NEMF: variants seen among roughly 807,000 people sequenced by gnomAD.
NEMF encodes ribosome quality control complex subunit NEMF.
In NEMF, 89 loss-of-function variants were observed where a neutral mutation model predicts 162.2. That is an observed-to-expected ratio of 0.55 (90% CI 0.46 to 0.65). The LOEUF (loss-of-function observed/expected upper bound fraction) is 0.65, where lower values mean the gene tolerates loss of function less well. Among genes scored for constraint, NEMF ranks in the 30% least tolerant of loss-of-function variants. NEMF has a pLI of 0.00. For missense variants in NEMF, 1,133 were observed against 1,261.9 expected (o/e 0.90, Z 1.55); for synonymous variants, 421 against 404.5 (o/e 1.04, Z -0.49).
At chr14:49,835,124 C>T (rs562858498) in intron 6 of NEMF, among the ~76,000 whole-genome samples, 2 of 150,750 alleles carry the variant, frequency 1.3e-5, no homozygotes, top group East Asian at 2.0e-4. Context: ...CACTTGAACC[C>T]GGGAGGCGGA....
intron 26 of NEMF, 30 bp downstream of exon 26, chr14:49,795,761 G>C (rs748648927): frequency 1.3e-6 from 2 of 1,575,272 alleles, no homozygotes; most frequent in Non-Finnish European, 1.7e-6. Flanking sequence ...CAAATTAACT[G>C]TGAACCATAT....
chr14:49,799,790 T>G lies in NEMF; in HGVS notation c.2373-112A>C. ...TAAGTACTGGCAATCCAACAAATTT[T>G]CAAATTTGGTGAAGTGAGAAAAACA... On this transcript the variant is annotated intron_variant, in intron 23 of 32. Coordinates refer to ENST00000298310, the MANE Select transcript of NEMF (RefSeq NM_004713.6). The G allele has an allele frequency of 3.4e-6, 3 of 876,936 alleles. No homozygotes were observed. In the South Asian group the frequency reaches 5.1e-5, roughly 15 times the overall value. 54.3% of individuals were successfully genotyped at this position (876,936 alleles called of 1,614,324 possible).
chr14:49,846,342 T>G, intron 3 of NEMF, 77 bp from the exon 4 acceptor site: 1 of 1,302,936 alleles, frequency 7.7e-7, no homozygotes, highest in Non-Finnish European at 1.1e-6. Flanking sequence ...ATAAATAAGC[T>G]TCTTTTCATT....
intron 10 of NEMF, 76 bp from the exon 11 acceptor site, chr14:49,831,437 T>A: frequency 2.8e-6 from 2 of 722,242 alleles, no homozygotes; most frequent in East Asian, 5.7e-5. Context: ...AGAATTTTAT[T>A]TTTTTTTTCT....
In NEMF at chr14:49,806,009, A is replaced by G. The variant is rs1312147560; in HGVS notation, c.1857+12T>C. 3.8e-6 allele frequency: 6 copies of G among 1,566,394 alleles called. No homozygotes were observed. Among genetic ancestry groups the G allele is most frequent in the Non-Finnish European group, 4.4e-6 (5 of 1,140,546 alleles). On this transcript the variant is annotated intron_variant, in intron 19 of 32. Coordinates refer to ENST00000298310, the MANE Select transcript of NEMF (RefSeq NM_004713.6). The stretch of plus-strand genomic sequence containing the variant: ...TTAGTAAATTAAGAAAAAGGACAAG[A>G]GCCCTTATTACCTGATGATGGTACA...
chr14:49,852,428 A>C (rs138042131), intron 1 of NEMF, among the ~76,000 whole-genome samples: 235 of 152,346 alleles, frequency 1.5e-3, no homozygotes, highest in African/African-American at 5.3e-3. Flanking sequence ...CGGACAACCC[A>C]GGCCAACAAT....
intron 16 of NEMF, chr14:49,820,564 T>C (rs1891956537): frequency 2.2e-6 from 1 of 452,128 alleles, no homozygotes; most frequent in African/African-American, 2.0e-5. Flanking sequence ...AGGTCAGGAG[T>C]TCGAGACTAG....
At chr14:49,805,543 C>T (rs906895958) in intron 19 of NEMF, among the ~76,000 whole-genome samples, 1 of 151,394 alleles carries the variant, frequency 6.6e-6, no homozygotes, top group African/African-American at 2.4e-5. Flanking sequence ...ACATCATTAA[C>T]CACAAAGAAG....
At chr14:49,794,943 C>T (rs1227722759) in intron 26 of NEMF, among the ~76,000 whole-genome samples, 1 of 151,884 alleles carries the variant, frequency 6.6e-6, no homozygotes, top group Non-Finnish European at 1.5e-5. Flanking sequence ...GTCTTGAACT[C>T]CTGGCCTCAA....
intron 8 of NEMF, among the ~76,000 whole-genome samples, chr14:49,833,105 A>G (rs1484478116): frequency 3.3e-5 from 5 of 152,132 alleles, no homozygotes; most frequent in African/African-American, 1.2e-4. Context: ...ATCTCTACTG[A>G]AAATATAAAA....
Position 49,840,821 on chromosome 14 carries a change from G to C in NEMF, c.403C>G (p.Leu135Val). ...TDYEYVILNI[L>V]RFRTDEADDV... ...TCTGCCTCATCAGTTCGAAACCTTA[G>C]AATATTTAAAATTACGTACTCATAA... Residue 135 changes from leucine to valine, a missense_variant, in exon 5 of 33, where the codon CTA (leucine) becomes GTA (valine). Leu to Val is a conservative substitution (Grantham distance 32). Transcript: ENST00000298310. 2 of 1,613,318 alleles carry C rather than the reference G, an allele frequency of 1.2e-6. No homozygotes were observed. Among genetic ancestry groups the C allele is most frequent in the Non-Finnish European group, 1.7e-6 (2 of 1,179,466 alleles).
At position 49,837,978 on chromosome 14, in the gene NEMF, A is replaced by T. The variant is rs187261544; in HGVS notation, c.574+161T>A. Among the ~76,000 whole-genome samples, 8 of 152,318 alleles carry T rather than the reference A, an allele frequency of 5.3e-5. No individual in the cohort carries two copies. In the East Asian group the frequency reaches 1.5e-3, roughly 29 times the overall value. Reference sequence around the variant, plus strand: ...AATAAAATCTAATAGATAAAGCTCAAACTTCATGTGGTTTAACTTCTCTTT... The same window carrying T: ...AATAAAATCTAATAGATAAAGCTCATACTTCATGTGGTTTAACTTCTCTTT... On this transcript the variant is annotated intron_variant, in intron 6 of 32. Coordinates refer to ENST00000298310, the MANE Select transcript of NEMF (RefSeq NM_004713.6).
chr14:49,851,739 G>A (rs546528327), intron 2 of NEMF, 68 bp downstream of exon 2: 34 of 1,472,838 alleles, frequency 2.3e-5, no homozygotes, highest in Non-Finnish European at 2.9e-5. Context: ...TTAAAATGTA[G>A]GTTAAAAAAA....
rs780519984 is a variant in NEMF at position 49,825,941 on chromosome 14, T to C, written c.1503A>G (p.Ala501=). The C allele has an allele frequency of 1.2e-4, 187 of 1,609,624 alleles. No homozygotes were observed. The highest frequency in any genetic ancestry group is 1.5e-4 in the Non-Finnish European group (181 of 1,176,750). Residue 501 remains alanine (A), a synonymous_variant, in exon 16 of 33, where the codon GCA becomes GCG. Coordinates refer to ENST00000298310, the MANE Select transcript of NEMF (RefSeq NM_004713.6). The part of the protein sequence containing the change: ...VEAAEKAFKS[A]EKKTKQTLKE... ...TTAATGTTTGCTTTGTTTTCTTTTC[T>C]GCTGACTTGAATGCCTATTTATAGA... is the stretch of plus-strand genomic sequence containing the variant.
intron 26 of NEMF, among the ~76,000 whole-genome samples, chr14:49,790,817 C>T (rs1485340095): frequency 1.3e-5 from 2 of 152,000 alleles, no homozygotes; most frequent in African/African-American, 2.4e-5. Context: ...TGGTGAAACA[C>T]CATCTCTACC....
chr14:49,800,531 T>A lies in NEMF; in HGVS notation c.2261A>T (p.Tyr754Phe). 6.2e-7 allele frequency: 1 copy of A among 1,614,084 alleles called. No individual in the cohort carries two copies. The highest frequency in any genetic ancestry group is 8.5e-7 in the Non-Finnish European group (1 of 1,179,964). ...QEESSEDEGE[Y>F]EEVRKDQDSV... ...ATCCTGATCTTTTCTAACCTCTTCATATTCTCCTTCGTCTTCAGAGCTTTC... is the reference window on the plus strand; with the variant it reads ...ATCCTGATCTTTTCTAACCTCTTCAAATTCTCCTTCGTCTTCAGAGCTTTC... The change falls in exon 23 of 33, where the codon TAT (tyrosine) becomes TTT (phenylalanine). Residue 754 changes from tyrosine (Y) to phenylalanine (F), a missense_variant. Transcript: ENST00000298310.
rs1891171784 is a variant in NEMF at position 49,806,025 on chromosome 14, T to C, written c.1853A>G (p.His618Arg). Residue 618 changes from histidine to arginine, a missense_variant, in exon 19 of 33, where the codon CAT becomes CGT. By Grantham distance (29) the His-to-Arg change is conservative. This residue lies in a region of NEMF where 532 missense variants were observed against 578.6 expected (regional missense o/e 0.92). Coordinates refer to ENST00000298310, the MANE Select transcript of NEMF (RefSeq NM_004713.6). ...AAGGACAAGAGCCCTTATTACCTGA[T>C]GATGGTACACCCACCAAGCACTAGT... ...VITSAWWVYH[H>R]QVSKTAPTGE... The C allele has an allele frequency of 1.2e-6, 2 of 1,605,124 alleles. No homozygotes were observed. The highest frequency in any genetic ancestry group is 1.7e-6 in the Non-Finnish European group (2 of 1,174,262).
chr14:49,802,473 G>A lies in NEMF; in HGVS notation c.2075C>T (p.Ser692Leu), dbSNP rs752476488. The A allele has an allele frequency of 6.2e-7, 1 of 1,613,350 alleles. No individual in the cohort carries two copies. Among genetic ancestry groups the A allele is most frequent in the Non-Finnish European group, 8.5e-7 (1 of 1,179,720 alleles). ...TLASCTSELI[S>L]EEMEQLDGGD... ...ACTACCTAATTGTTCCATTTCTTCT[G>A]ATATGAGTTCACTTGTACAACTTGC... Residue 692 changes from serine (S) to leucine (L), a missense_variant, in exon 22 of 33, where the codon TCA becomes TTA. Physicochemically the swap from Ser to Leu is moderately radical, Grantham distance 145. Transcript: ENST00000298310.
chr14:49,813,677 GTGTGT>G (rs1891587334), intron 18 of NEMF, among the ~76,000 whole-genome samples: 1 of 151,814 alleles, frequency 6.6e-6, no homozygotes, highest in Non-Finnish European at 1.5e-5. Context: ...GTGTGTGTGT[GTGTGT>G]GTGTGTGTGT....
Sources: gnomAD v4.1 joint callset for allele counts (sites outside exome capture counted in the v4.1 genomes callset) on GRCh38, gnomAD v4.1.1 for gene constraint, gnomAD v4.1.1 regional missense constraint, MANE v1.5 for transcripts, NCBI Gene and HGNC (gene_info 2026-07-23, HGNC 2026-07-21) for gene names.